ZNF98: variants seen among roughly 807,000 people sequenced by gnomAD.
ZNF98 encodes zinc finger protein 739.
In ZNF98, 8 loss-of-function variants were observed where a neutral mutation model predicts 12.8. The observed-to-expected ratio is 0.63, with a 90% CI of 0.37 to 1.13. The LOEUF is 1.13. Ranked by LOEUF, ZNF98 falls within the 50% of genes most tolerant of loss-of-function variation. The pLI is 0.01. For synonymous variants in ZNF98, 112 were observed against 223.5 expected (o/e 0.50, Z 4.45); for missense variants, 379 against 666.1 (o/e 0.57, Z 4.74).
At chr19:22,414,217 AG>A (rs1969613289) in intron 1 of ZNF98, among the ~76,000 whole-genome samples, 1 of 138,170 alleles carries the variant, frequency 7.2e-6, no homozygotes, top group Non-Finnish European at 1.5e-5. Context: ...CTGGGTGAAG[AG>A]CAAGACTCCA....
rs1197904921 is a variant in ZNF98 at position 22,402,725 on chromosome 19, T to C, written c.253+64A>G. 7.5e-6 allele frequency: 9 copies of C among 1,205,384 alleles called. No individual in the cohort carries two copies. In the South Asian group the frequency reaches 1.1e-4, roughly 14 times the overall value. 74.7% of individuals were successfully genotyped at this position (1,205,384 alleles called of 1,614,324 possible). A position where few individuals can be genotyped will look rare whatever the true frequency, so the allele number is the denominator to read the frequency against. On this transcript the variant is annotated intron_variant, in intron 3 of 3. Transcript: ENST00000357774. ...AAATCATTTTAAGGAATGGCTTTTT[T>C]TTTTTTTCTACTTTGGAGCTCTCAT...
At chr19:22,414,667 T>A (rs1969620102) in intron 1 of ZNF98, among the ~76,000 whole-genome samples, 1 of 152,046 alleles carries the variant, frequency 6.6e-6, no homozygotes, top group Admixed American at 6.5e-5. Flanking sequence ...GATACTGGAA[T>A]AACTAGCTAG....
At chr19:22,408,767 C>T (rs981986399) in intron 1 of ZNF98, among the ~76,000 whole-genome samples, 3 of 152,106 alleles carry the variant, frequency 2.0e-5, no homozygotes, top group African/African-American at 7.2e-5. Flanking sequence ...CTACAAACCA[C>T]TCCTCAAGGA....
chr19:22,412,721 G>T (rs1969592881), intron 1 of ZNF98, among the ~76,000 whole-genome samples: 1 of 151,876 alleles, frequency 6.6e-6, no homozygotes, highest in Admixed American at 6.6e-5. Flanking sequence ...AACCGACTAT[G>T]ATCGAGTAGG....
intron 1 of ZNF98, among the ~76,000 whole-genome samples, chr19:22,410,671 G>A (rs188706087): frequency 7.0e-4 from 106 of 152,232 alleles, no homozygotes; most frequent in Middle Eastern, 3.4e-3. Flanking sequence ...ACACATATAC[G>A]TATGTAATAA....
intron 3 of ZNF98, among the ~76,000 whole-genome samples, chr19:22,396,156 A>T (rs1020388228): frequency 2.0e-5 from 3 of 152,210 alleles, no homozygotes; most frequent in African/African-American, 4.8e-5. Flanking sequence ...AAAACATTTT[A>T]AATTATCTCT....
intron 1 of ZNF98, among the ~76,000 whole-genome samples, chr19:22,405,328 C>T (rs528494432): frequency 2.0e-5 from 3 of 150,778 alleles, no homozygotes; most frequent in East Asian, 2.0e-4. Flanking sequence ...GAAGCAGCTG[C>T]GATCAGAGGC....
chr19:22,413,104 A>T (rs576889064), intron 1 of ZNF98, among the ~76,000 whole-genome samples: 24 of 151,992 alleles, frequency 1.6e-4, no homozygotes, highest in Non-Finnish European at 3.4e-4. Flanking sequence ...ATAATGAGTT[A>T]TCCATCACAA....
chr19:22,397,190 C>G lies in ZNF98; in HGVS notation c.254-4209G>C, dbSNP rs189957538. On this transcript the variant is annotated intron_variant, in intron 3 of 3. Transcript: ENST00000357774. Reference sequence around the variant, plus strand: ...ACCTATGACAAATCTGTATGTACATCTGTGTGTGTGTGTGTGTGTTTTTGT... The same window carrying G: ...ACCTATGACAAATCTGTATGTACATGTGTGTGTGTGTGTGTGTGTTTTTGT... 4.2e-3 allele frequency among the ~76,000 whole-genome samples: 594 copies of G among 140,950 alleles called. 2 individuals are homozygous for G. Among genetic ancestry groups the G allele is most frequent in the Middle Eastern group, 7.4e-3 (2 of 270 alleles). The allele number at this position is 140,950 out of a possible 152,430, so 92.5% of individuals were successfully genotyped here. A position where few individuals can be genotyped will look rare whatever the true frequency, so the allele number is the denominator to read the frequency against.
At chr19:22,418,213 T>G (rs1969665539) in intron 1 of ZNF98, among the ~76,000 whole-genome samples, 1 of 152,130 alleles carries the variant, frequency 6.6e-6, no homozygotes, top group African/African-American at 2.4e-5. Context: ...CATAGGCCCA[T>G]CTATGCTTCT....
chr19:22,399,499 C>T (rs1969433509), intron 3 of ZNF98, among the ~76,000 whole-genome samples: 1 of 151,930 alleles, frequency 6.6e-6, no homozygotes. Context: ...ATGGTCAGGG[C>T]CTCTGATATA....
intron 3 of ZNF98, among the ~76,000 whole-genome samples, chr19:22,398,885 A>C (rs1969426973): frequency 6.6e-6 from 1 of 152,222 alleles, no homozygotes; most frequent in Non-Finnish European, 1.5e-5. Flanking sequence ...AGCCACCATT[A>C]AAAATCAGCT....
At position 22,400,211 on chromosome 19, in the gene ZNF98, G is replaced by A. The variant is rs76334610; in HGVS notation, c.253+2578C>T. Among the ~76,000 whole-genome samples the A allele has an allele frequency of 1.1e-3, 165 of 152,194 alleles. No individual in the cohort carries two copies. In the East Asian group the frequency reaches 0.028, roughly 26 times the overall value. ...GAGAGAGACACCCCTTTATAGCCACGCAGCAGGCCTGCAGACCTTGGCCAT... is the reference window on the plus strand; with the variant it reads ...GAGAGAGACACCCCTTTATAGCCACACAGCAGGCCTGCAGACCTTGGCCAT... On this transcript the variant is annotated intron_variant, in intron 3 of 3. Coordinates refer to ENST00000357774, the MANE Select transcript of ZNF98 (RefSeq NM_001098626.2).
intron 1 of ZNF98, among the ~76,000 whole-genome samples, chr19:22,405,526 G>A (rs1412828564): frequency 6.6e-6 from 1 of 152,092 alleles, no homozygotes; most frequent in Non-Finnish European, 1.5e-5. Context: ...CAAGAGAGAT[G>A]GTGAATGAAT....
chr19:22,403,344 T>C, intron 2 of ZNF98, 42 bp downstream of exon 2: 1 of 1,523,436 alleles, frequency 6.6e-7, no homozygotes, highest in Non-Finnish European at 8.8e-7. Context: ...AAATAAAATT[T>C]ATAGGGTATA....
In ZNF98 at chr19:22,405,633, G is replaced by A. The variant is rs1029612807; in HGVS notation, c.31-2121C>T. Among the ~76,000 whole-genome samples the A allele has an allele frequency of 2.0e-5, 3 of 152,174 alleles. No homozygotes were observed. In the South Asian group the frequency reaches 6.2e-4, roughly 32 times the overall value. On this transcript the variant is annotated intron_variant, in intron 1 of 3. Coordinates refer to ENST00000357774, the MANE Select transcript of ZNF98 (RefSeq NM_001098626.2). ...GTGAACCCATGCCACAGGAGCCTAGGGTCCCAACCCCAGAGCTGTGCAGAT... is the reference window on the plus strand; with the variant it reads ...GTGAACCCATGCCACAGGAGCCTAGAGTCCCAACCCCAGAGCTGTGCAGAT...
rs1378652603 is a variant in ZNF98, at chr19:22,403,438, C to T, written c.105G>A (p.Gln35=). The T allele has an allele frequency of 1.2e-6, 2 of 1,609,216 alleles. No homozygotes were observed. The highest frequency in any genetic ancestry group is 1.7e-6 in the Non-Finnish European group (2 of 1,178,690). ...EEWQCLDTAQ[Q]NLYRNVMLEN... ...CTAACATCACATTCCTATATAAATT[C>T]TGCTGTGCGGTGTCCAGGCATTGCC... is the stretch of plus-strand genomic sequence containing the variant. The change falls in exon 2 of 4, where the codon CAG becomes CAA. Residue 35 remains glutamine, a synonymous_variant. Coordinates refer to ENST00000357774, the MANE Select transcript of ZNF98 (RefSeq NM_001098626.2).
At chr19:22,397,056 T>C (rs1431987133) in intron 3 of ZNF98, among the ~76,000 whole-genome samples, 1 of 150,794 alleles carries the variant, frequency 6.6e-6, no homozygotes, top group African/African-American at 2.4e-5. Flanking sequence ...GAGGCAGAGG[T>C]TGCAGTGAGC....
intron 1 of ZNF98, among the ~76,000 whole-genome samples, chr19:22,404,186 C>T (rs1263842580): frequency 6.6e-6 from 1 of 152,244 alleles, no homozygotes; most frequent in Admixed American, 6.5e-5. Flanking sequence ...CGCCACTACA[C>T]TCCAGCCTGG....
Sources: gnomAD v4.1 joint callset for allele counts (sites outside exome capture counted in the v4.1 genomes callset) on GRCh38, gnomAD v4.1.1 for gene constraint, MANE v1.5 for transcripts, NCBI Gene and HGNC (gene_info 2026-07-23, HGNC 2026-07-21) for gene names.